The following RGS8 variants were observed in gnomAD, a reference collection of about 807,000 sequenced individuals.
RGS8 encodes regulator of G protein signaling 8.
In RGS8, 8 loss-of-function variants were observed where a neutral mutation model predicts 21.7. The observed-to-expected ratio is 0.37, with a 90% CI of 0.22 to 0.66. The LOEUF is 0.66. Among genes scored for constraint, RGS8 ranks in the 30% least tolerant of loss-of-function variants. The probability of loss-of-function intolerance (pLI) is 0.59; values close to 1 mark genes in which losing one functional copy is unlikely to be tolerated. For missense variants in RGS8, 157 were observed against 217.9 expected (o/e 0.72, Z 1.76); for synonymous variants, 80 against 83.6 (o/e 0.96, Z 0.24).
At chr1:182,669,796 TCTGACTGCACTAC>T in intron 2 of RGS8, 44 bp from the exon 4 acceptor site, 1 of 1,507,190 alleles carries the variant, frequency 6.6e-7, no homozygotes, top group Non-Finnish European at 8.9e-7. Context: ...CCCTCTCTCA[TCTGACTGCACTAC>T]ATTTCCTCTC....
the RGS8 span, among the ~76,000 whole-genome samples, chr1:182,727,591 C>T: frequency 6.6e-5 from 10 of 152,104 alleles, no homozygotes; most frequent in African/African-American, 1.4e-4. Context: ...AAAGCCGTTC[C>T]GAAAGGTTAC....
At chr1:182,711,026 G>A in the RGS8 span, among the ~76,000 whole-genome samples, 7 of 152,108 alleles carry the variant, frequency 4.6e-5, no homozygotes, top group East Asian at 1.9e-4. Flanking sequence ...CAAAGATGCC[G>A]GCAAAGGACA....
exon 7 of RGS8, chr1:182,646,895 C>T: frequency 6.2e-7 from 1 of 1,613,840 alleles, no homozygotes; most frequent in Non-Finnish European, 8.5e-7. Context: ...CGTGGCTTCT[C>T]GGGTCTGGAA....
At chr1:182,741,368 C>A in the RGS8 span, among the ~76,000 whole-genome samples, 2 of 131,426 alleles carry the variant, frequency 1.5e-5, no homozygotes, top group East Asian at 4.8e-4. Flanking sequence ...GGCTGAACCC[C>A]CCACCTCCCT....
At chr1:182,710,259 G>T in the RGS8 span, among the ~76,000 whole-genome samples, 1 of 152,096 alleles carries the variant, frequency 6.6e-6, no homozygotes, top group Non-Finnish European at 1.5e-5. Flanking sequence ...TGCAATTCCT[G>T]CTTATCCCTG....
the RGS8 span, among the ~76,000 whole-genome samples, chr1:182,708,363 T>C: frequency 8.5e-5 from 13 of 152,142 alleles, no homozygotes; most frequent in Non-Finnish European, 1.6e-4. Context: ...GCCCCTGCAG[T>C]GTCCTTGAAG....
At chr1:182,670,112 G>T (rs966475405) in intron 2 of RGS8, among the ~76,000 whole-genome samples, 3 of 152,332 alleles carry the variant, frequency 2.0e-5, no homozygotes, top group Admixed American at 6.5e-5. Context: ...GGAGGAGGGG[G>T]TCGGCACTTG....
chr1:182,667,450 A>C (rs1663929850), intron 3 of RGS8, among the ~76,000 whole-genome samples: 1 of 152,186 alleles, frequency 6.6e-6, no homozygotes, highest in Admixed American at 6.5e-5. Flanking sequence ...AGCACAAAGC[A>C]GGGGGCCTCA....
chr1:182,690,715 G>A, the RGS8 span, among the ~76,000 whole-genome samples: 1 of 152,116 alleles, frequency 6.6e-6, no homozygotes, highest in African/African-American at 2.4e-5. Flanking sequence ...CCATTACTAG[G>A]ATATTATCAA....
At chr1:182,750,213 C>T in the RGS8 span, among the ~76,000 whole-genome samples, 1 of 152,128 alleles carries the variant, frequency 6.6e-6, no homozygotes, top group Non-Finnish European at 1.5e-5. Context: ...TCTTTTTACT[C>T]TACAAAACTG....
chr1:182,701,085 G>A, the RGS8 span, among the ~76,000 whole-genome samples: 1 of 152,176 alleles, frequency 6.6e-6, no homozygotes, highest in Admixed American at 6.5e-5. Flanking sequence ...GTGACATTTA[G>A]GTCCTCTTCT....
the RGS8 span, among the ~76,000 whole-genome samples, chr1:182,751,481 G>A: frequency 6.6e-6 from 1 of 152,136 alleles, no homozygotes; most frequent in Non-Finnish European, 1.5e-5. Flanking sequence ...CAAATCAGAT[G>A]AAAAATAATT....
chr1:182,745,327 G>C, the RGS8 span, among the ~76,000 whole-genome samples: 1 of 149,586 alleles, frequency 6.7e-6, no homozygotes, highest in Non-Finnish European at 1.5e-5. Flanking sequence ...ATTCTGAAGG[G>C]CCTATTTATT....
upstream of RGS8, among the ~76,000 whole-genome samples, chr1:182,689,021 G>A (rs1004502519): frequency 1.3e-5 from 2 of 152,124 alleles, no homozygotes; most frequent in Non-Finnish European, 1.5e-5. Context: ...CTGTGTCCGT[G>A]GTAATTTGTT....
At chr1:182,647,603 A>G (rs1662763137) in intron 6 of RGS8, among the ~76,000 whole-genome samples, 1 of 152,388 alleles carries the variant, frequency 6.6e-6, no homozygotes, top group East Asian at 1.9e-4. Flanking sequence ...ACAAATAAGT[A>G]TAATTAAATA....
chr1:182,689,264 GACACACAC>G (rs34000229), upstream of RGS8, among the ~76,000 whole-genome samples: 1,301 of 125,754 alleles, frequency 0.01, 11 homozygotes, highest in African/African-American at 0.022. Flanking sequence ...CACACACACA[GACACACAC>G]ACACACACAC....
chr1:182,687,149 CAG>C (rs1364977619), upstream of RGS8, among the ~76,000 whole-genome samples: 1 of 152,080 alleles, frequency 6.6e-6, no homozygotes, highest in African/African-American at 2.4e-5. Context: ...CCCCCACTCC[CAG>C]AGTTTCCAAT....
the RGS8 span, among the ~76,000 whole-genome samples, chr1:182,716,027 G>A: frequency 1.4e-4 from 22 of 151,906 alleles, no homozygotes; most frequent in African/African-American, 4.3e-4. Context: ...TGCATATAAC[G>A]TACACACATC....
At chr1:182,650,988 T>C (rs1332680246) in intron 5 of RGS8, among the ~76,000 whole-genome samples, 1 of 152,166 alleles carries the variant, frequency 6.6e-6, no homozygotes, top group Non-Finnish European at 1.5e-5. Flanking sequence ...AATTTTCCTG[T>C]ATCAAAAAAG....
Sources: allele counts gnomAD v4.1 joint callset (sites outside exome capture counted in the v4.1 genomes callset), GRCh38; gene constraint gnomAD v4.1.1; transcripts MANE v1.5; gene names NCBI Gene and HGNC (gene_info 2026-07-23, HGNC 2026-07-21).